Variants in KDM2B observed in about 807,000 individuals in gnomAD.
The protein encoded by KDM2B is lysine-specific demethylase 2B.
In KDM2B, 26 loss-of-function variants were observed where a neutral mutation model predicts 150.0. The ratio of observed to expected loss-of-function variants is 0.17; its 90% CI spans 0.13 to 0.24. The LOEUF (loss-of-function observed/expected upper bound fraction) is 0.24. Among genes scored for constraint, KDM2B ranks in the 10% least tolerant of loss-of-function variants. The pLI, the probability that KDM2B is intolerant of heterozygous loss-of-function variation, is 1.00. For synonymous variants in KDM2B, 734 were observed against 729.5 expected, an observed-to-expected ratio of 1.01 and a Z score of -0.10; for missense variants, 1,265 against 1,816.9, an observed-to-expected ratio of 0.70 and a Z score of 5.52.
chr12:121,526,248 G>A (rs1022412395), intron 8 of KDM2B, among the ~76,000 whole-genome samples: 1 of 152,176 alleles, frequency 6.6e-6, no homozygotes, highest in African/African-American at 2.4e-5. Flanking sequence ...AGCTACTCAG[G>A]AGGCTGAGGC....
chr12:121,577,047 G>T (rs1555316965), intron 2 of KDM2B, among the ~76,000 whole-genome samples: 1 of 152,206 alleles, frequency 6.6e-6, no homozygotes, highest in Non-Finnish European at 1.5e-5. Flanking sequence ...CTTCTATTTT[G>T]AATCCAGGCT....
chr12:121,510,035 G>A lies in KDM2B; in HGVS notation c.1179C>T (p.Ala393=). ...EYQRESMLID[A]PRKPSIDGFS... ...AGCCGTCTATGCTGGGCTTCCTCGG[G>A]GCATCTGTGGGGGCAGGGTCACAAG... is the stretch of plus-strand genomic sequence containing the variant. Residue 393 remains alanine, a synonymous_variant, in exon 11 of 23, where the codon GCC becomes GCT. Transcript: ENST00000377071. The A allele has an allele frequency of 6.5e-7, 1 of 1,543,524 alleles. No homozygotes were observed. The highest frequency in any genetic ancestry group is 8.7e-7 in the Non-Finnish European group (1 of 1,147,346).
Position 121,440,851 on chromosome 12 carries a change from C to G in KDM2B, c.3575G>C (p.Arg1192Pro). 1 of 1,613,862 alleles carries G rather than the reference C, an allele frequency of 6.2e-7. No individual in the cohort carries two copies. Among genetic ancestry groups the G allele is most frequent in the Non-Finnish European group, 8.5e-7 (1 of 1,179,848 alleles). Residue 1192 changes from arginine to proline, a missense_variant, in exon 21 of 23, where the codon CGG (arginine) becomes CCG (proline). This residue lies in a region of KDM2B where 251 missense variants were observed against 397.8 expected (regional missense o/e 0.63). Coordinates refer to ENST00000377071, the MANE Select transcript of KDM2B (RefSeq NM_032590.5). Reference protein sequence around the residue: ...WVEGLKDAQMRDLLSPPTDNR... With the variant: ...WVEGLKDAQMPDLLSPPTDNR... ...GTCTGTGGGCGGGGACAGGAGATCCCGCATCTGGGCATCCTTTAGTCCCTC... is the reference window on the plus strand; with the variant it reads ...GTCTGTGGGCGGGGACAGGAGATCCGGCATCTGGGCATCCTTTAGTCCCTC...
intron 6 of KDM2B, among the ~76,000 whole-genome samples, chr12:121,540,468 G>A (rs1418032186): frequency 6.6e-6 from 1 of 152,090 alleles, no homozygotes; most frequent in Non-Finnish European, 1.5e-5. Flanking sequence ...GAGGATGAGG[G>A]CCAGGTGCAG....
At chr12:121,487,759 C>G (rs1555299161) in intron 12 of KDM2B, among the ~76,000 whole-genome samples, 1 of 151,398 alleles carries the variant, frequency 6.6e-6, no homozygotes, top group African/African-American at 2.4e-5. Context: ...CTCCTCCCGT[C>G]TAGGAGGAGG....
chr12:121,417,994 C>A, the KDM2B span: 19 of 1,392,708 alleles, frequency 1.4e-5, no homozygotes, highest in African/African-American at 2.9e-5. The surrounding 1 kb of genome is among the most constrained non-coding windows in gnomAD (Gnocchi z 5.0). Flanking sequence ...TGCTTGATGA[C>A]TTCTGATAAA....
intron 11 of KDM2B, among the ~76,000 whole-genome samples, chr12:121,505,700 C>T (rs1158626166): frequency 6.6e-6 from 1 of 152,082 alleles, no homozygotes; most frequent in Non-Finnish European, 1.5e-5. Flanking sequence ...TCTGAGGTCC[C>T]GGGAGAGAGC....
chr12:121,537,358 G>GGCTCGGT lies in KDM2B; in HGVS notation c.684-2775_684-2769dup, dbSNP rs1459760684. ...CACACCGCAGTCACATGGGCACCCC[G>GGCTCGGT]GCTCGGTGCCACGGCCGCTAAGCTC... On this transcript the variant is annotated intron_variant, in intron 6 of 22. Coordinates refer to ENST00000377071, the MANE Select transcript of KDM2B (RefSeq NM_032590.5). This position sits in a 1 kb window ranked among gnomAD's most constrained non-coding sequence, Gnocchi z 8.7. 1 of 152,680 alleles carries GGCTCGGT rather than the reference G, an allele frequency of 6.5e-6. No homozygotes were observed. The highest frequency in any genetic ancestry group is 1.5e-5 in the Non-Finnish European group (1 of 68,438). 9.5% of individuals were successfully genotyped at this position (152,680 alleles called of 1,614,324 possible). A position where few individuals can be genotyped will look rare whatever the true frequency, so the allele number is the denominator to read the frequency against.
At position 121,443,723 on chromosome 12, in the gene KDM2B, A is replaced by C. The variant is rs1366095523; in HGVS notation, c.2522T>G (p.Leu841Arg). The change falls in exon 17 of 23, where the codon CTC becomes CGC. Residue 841 changes from leucine to arginine, a missense_variant. This residue lies in a region of KDM2B where 418 missense variants were observed against 402.4 expected (regional missense o/e 1.04). Transcript: ENST00000377071. ...GAGACTGGATCTCCACCAGGGGCTG[A>C]GGCTGCTGCCTAGAGGGGGCCTCGG... ...LSPRPPLGSS[L>R]SPWWRSSLTY... is the part of the protein sequence containing the mutation. The C allele has an allele frequency of 1.9e-6, 3 of 1,611,784 alleles. No homozygotes were observed. The highest frequency in any genetic ancestry group is 2.5e-6 in the Non-Finnish European group (3 of 1,179,812).
At chr12:121,540,003 G>A (rs1888474343) in intron 6 of KDM2B, among the ~76,000 whole-genome samples, 1 of 152,126 alleles carries the variant, frequency 6.6e-6, no homozygotes, top group South Asian at 2.1e-4. Context: ...ACCTCCTAAA[G>A]TGCTGAGATC....
the KDM2B span, among the ~76,000 whole-genome samples, chr12:121,411,711 A>G: frequency 5.3e-5 from 8 of 152,244 alleles, no homozygotes; most frequent in African/African-American, 1.7e-4. Context: ...CTTGTCAGTC[A>G]TACCATGGTG....
chr12:121,484,020 C>CCA (rs1882460849), intron 12 of KDM2B, among the ~76,000 whole-genome samples: 1 of 152,072 alleles, frequency 6.6e-6, no homozygotes, highest in Non-Finnish European at 1.5e-5. Flanking sequence ...TTGAAGAAGG[C>CCA]CACACAATAG....
rs371285014 is a variant in KDM2B, at chr12:121,442,252, G to A, written c.3189C>T (p.His1063=). 12 of 1,612,960 alleles carry A rather than the reference G, an allele frequency of 7.4e-6. No individual in the cohort carries two copies. Among genetic ancestry groups the A allele is most frequent in the African/African-American group, 4.0e-5 (3 of 74,920 alleles). Reference sequence around the variant, plus strand: ...CCATCCACACCTCCCTGTGCATGACGTGGGCTGCCCCATCGTCCAGGGGTA... The same window carrying A: ...CCATCCACACCTCCCTGTGCATGACATGGGCTGCCCCATCGTCCAGGGGTA... ...DSLPLDDGAA[H]VMHREVWMAV... The change falls in exon 19 of 23, where the codon CAC becomes CAT. Residue 1063 remains histidine (H), a synonymous_variant. Transcript: ENST00000377071. The surrounding 1 kb of genome is among the most constrained non-coding windows in gnomAD (Gnocchi z 7.7).
intron 6 of KDM2B, among the ~76,000 whole-genome samples, chr12:121,543,989 C>T (rs1375256453): frequency 2.0e-5 from 3 of 151,644 alleles, no homozygotes; most frequent in African/African-American, 7.3e-5. Flanking sequence ...TGGTGTGTGC[C>T]TATGGTCCCA....
chr12:121,487,547 G>T (rs1555299122), intron 12 of KDM2B, among the ~76,000 whole-genome samples: 1 of 152,162 alleles, frequency 6.6e-6, no homozygotes, highest in African/African-American at 2.4e-5. Flanking sequence ...GTTGAGCTGC[G>T]CTCTTCCTCT....
At chr12:121,524,778 CAG>C (rs1342816812) in intron 8 of KDM2B, 1 of 423,420 alleles carries the variant, frequency 2.4e-6, no homozygotes. Context: ...TGCTTCCAGC[CAG>C]AGTCATCGAC....
chr12:121,524,687 T>C (rs1555306497), intron 8 of KDM2B: 3 of 454,458 alleles, frequency 6.6e-6, no homozygotes, highest in South Asian at 3.1e-5. Context: ...CCTCCTCCGA[T>C]GGCCTCTCGA....
Position 121,441,179 on chromosome 12 carries a change from G to C in KDM2B, c.3339C>G (p.Ile1113Met). 1 of 1,614,188 alleles carries C rather than the reference G, an allele frequency of 6.2e-7. No individual in the cohort carries two copies. Among genetic ancestry groups the C allele is most frequent in the Non-Finnish European group, 8.5e-7 (1 of 1,180,022 alleles). ...TGATGCCACTCAGCATCAGGGGTGT[G>C]ATAGACTTGCAGTGGTTCAGGTCAA... ...TRIDLNHCKS[I>M]TPLMLSGIIR... The change falls in exon 20 of 23, where the codon ATC becomes ATG. Residue 1113 changes from isoleucine (I) to methionine (M), a missense_variant. Coordinates refer to ENST00000377071, the MANE Select transcript of KDM2B (RefSeq NM_032590.5).
In KDM2B at chr12:121,441,137, G is replaced by C. The variant is rs782037262; in HGVS notation, c.3381C>G (p.Val1127=). Residue 1127 remains valine (V), a synonymous_variant, in exon 20 of 23, where the codon GTC becomes GTG. Transcript: ENST00000377071. The part of the protein sequence containing the change: ...MLSGIIRRQP[V]SLDLSWTNIS... Reference sequence around the variant, plus strand: ...TATTGGTCCAGCTGAGGTCGAGGGAGACGGGCTGTCGCCGGATGATGCCAC... The same window carrying C: ...TATTGGTCCAGCTGAGGTCGAGGGACACGGGCTGTCGCCGGATGATGCCAC... 15 of 1,614,244 alleles carry C rather than the reference G, an allele frequency of 9.3e-6. No homozygotes were observed. Among genetic ancestry groups the C allele is most frequent in the Non-Finnish European group, 1.3e-5 (15 of 1,180,044 alleles).
Sources: allele counts gnomAD v4.1 joint callset (sites outside exome capture counted in the v4.1 genomes callset), GRCh38; gene constraint gnomAD v4.1.1; regional missense constraint gnomAD v4.1.1; non-coding constraint Gnocchi (gnomAD v3.1); transcripts MANE v1.5; gene names NCBI Gene and HGNC (gene_info 2026-07-23, HGNC 2026-07-21).